Variants in SLC6A5 observed in about 807,000 individuals in gnomAD.
SLC6A5 encodes the protein sodium- and chloride-dependent glycine transporter 2.
Under a neutral mutation model 90.5 loss-of-function variants are expected in SLC6A5, and 58 were observed. The ratio of observed to expected loss-of-function variants is 0.64; its 90% CI spans 0.52 to 0.80. SLC6A5 has a LOEUF of 0.80. Among genes scored for constraint, SLC6A5 ranks in the 30% least tolerant of loss-of-function variants. The probability of loss-of-function intolerance (pLI) is 0.00; values close to 1 mark genes in which losing one functional copy is unlikely to be tolerated. For missense variants in SLC6A5, 1,015 were observed against 1,017.6 expected (o/e 1.00, Z 0.03); for synonymous variants, 427 against 401.4 (o/e 1.06, Z -0.76).
Position 20,654,746 on chromosome 11 carries a change from TG to T in SLC6A5, c.2276del (p.Gly759AlafsTer4), listed in dbSNP as rs1159854354. 2 of 1,614,186 alleles carry T rather than the reference TG, an allele frequency of 1.2e-6. No individual in the cohort carries two copies. Among genetic ancestry groups the T allele is most frequent in the Admixed American group, 3.3e-5 (2 of 60,020 alleles). On this transcript the variant is annotated frameshift_variant, in exon 16 of 16. Transcript: ENST00000525748. LOFTEE classifies it high-confidence loss of function. The part of the protein sequence containing the change: ...LKLVCSPQPD[W>X]GPFLAQHRGE... The stretch of plus-strand genomic sequence containing the variant: ...GTTGGTGTGCTCGCCACAGCCGGAC[TG>T]GGGCCCATTCTTAGCTCAACACCGC...
In SLC6A5 at chr11:20,632,080, T is replaced by C. The variant is rs376802004; in HGVS notation, c.1624+1265T>C. 5.0e-3 allele frequency among the ~76,000 whole-genome samples: 760 copies of C among 152,212 alleles called. 4 individuals carry two copies. The highest frequency in any genetic ancestry group is 0.017 in the African/African-American group (716 of 41,534). ...CCAGGAGATAAGCAATGGCTCTCCC[T>C]GGTTGAGAATTCTCAGATACCCTGG... is the stretch of plus-strand genomic sequence containing the variant. On this transcript the variant is annotated intron_variant, in intron 10 of 15. Coordinates refer to ENST00000525748, the MANE Select transcript of SLC6A5 (RefSeq NM_004211.5).
At chr11:20,643,010 C>G (rs1464174012) in intron 13 of SLC6A5, among the ~76,000 whole-genome samples, 1 of 152,206 alleles carries the variant, frequency 6.6e-6, no homozygotes, top group East Asian at 1.9e-4. Flanking sequence ...GGGTCCAGCT[C>G]TTTATCCCCT....
rs561866100 is a variant in SLC6A5, at chr11:20,601,525, G to C, written c.400G>C (p.Val134Leu). The change falls in exon 2 of 16, where the codon GTG becomes CTG. Residue 134 changes from valine to leucine, a missense_variant. Transcript: ENST00000525748. ...GCGAGGCCCGGAGGGGGATGCGAAC[G>C]TGAGTGTGGGCAAGGGCACCCTGGA... The part of the protein sequence containing the change: ...FLRGPEGDAN[V>L]SVGKGTLERN... The C allele has an allele frequency of 1.9e-6, 3 of 1,614,170 alleles. No individual in the cohort carries two copies. The highest frequency in any genetic ancestry group is 1.3e-5 in the African/African-American group (1 of 75,076).
chr11:20,616,204 C>G (rs1375922881), intron 6 of SLC6A5, among the ~76,000 whole-genome samples: 1 of 152,144 alleles, frequency 6.6e-6, no homozygotes, highest in Non-Finnish European at 1.5e-5. Flanking sequence ...CCCTGCAGAA[C>G]AGAAGGGAGA....
chr11:20,653,390 G>A lies in SLC6A5; in HGVS notation c.2238+934G>A, dbSNP rs149214771. Among the ~76,000 whole-genome samples the A allele has an allele frequency of 5.3e-4, 80 of 152,296 alleles. 3 individuals carry two copies. The highest frequency in any genetic ancestry group is 1.8e-3 in the African/African-American group (73 of 41,576). The stretch of plus-strand genomic sequence containing the variant: ...CAGTTTAACAAGCCCCCTCGTTAGC[G>A]AAGCATTGGACTAGACTCAGGTGAT... On this transcript the variant is annotated intron_variant, in intron 15 of 15. Coordinates refer to ENST00000525748, the MANE Select transcript of SLC6A5 (RefSeq NM_004211.5).
intron 5 of SLC6A5, among the ~76,000 whole-genome samples, chr11:20,614,268 C>T (rs757341916): frequency 5.9e-5 from 9 of 152,162 alleles, no homozygotes; most frequent in Non-Finnish European, 1.3e-4. Flanking sequence ...GAGTTCGAAT[C>T]CTGATTCTCT....
chr11:20,605,334 A>G (rs1303366847), intron 3 of SLC6A5, among the ~76,000 whole-genome samples: 1 of 152,216 alleles, frequency 6.6e-6, no homozygotes, highest in Non-Finnish European at 1.5e-5. Context: ...GGTCCGCTTC[A>G]GGCGGAATTT....
At chr11:20,648,512 G>C (rs563538738) in intron 14 of SLC6A5, among the ~76,000 whole-genome samples, 44 of 152,290 alleles carry the variant, frequency 2.9e-4, no homozygotes, top group African/African-American at 9.6e-4. Flanking sequence ...GGGCATGAGA[G>C]TTGAAAAGGG....
chr11:20,624,083 AAT>A (rs35435495), intron 7 of SLC6A5, among the ~76,000 whole-genome samples: 39,519 of 150,240 alleles, frequency 0.26, 5,381 homozygotes, highest in Middle Eastern at 0.3. Flanking sequence ...AGTTGCTCTA[AAT>A]ATATATATAA....
intron 7 of SLC6A5, among the ~76,000 whole-genome samples, chr11:20,624,471 T>C (rs1852952603): frequency 6.9e-6 from 1 of 145,618 alleles, no homozygotes; most frequent in Non-Finnish European, 1.5e-5. Context: ...TATTTCTTCA[T>C]CTCAGCTCTA....
intron 5 of SLC6A5, among the ~76,000 whole-genome samples, chr11:20,613,054 G>C (rs1852722631): frequency 6.6e-6 from 1 of 152,104 alleles, no homozygotes; most frequent in Non-Finnish European, 1.5e-5. Flanking sequence ...GCTTCTGTAG[G>C]TGTTTGAATT....
intron 10 of SLC6A5, 133 bp downstream of exon 10, chr11:20,630,948 A>G: frequency 4.0e-6 from 4 of 993,058 alleles, no homozygotes; most frequent in Non-Finnish European, 6.2e-6. Flanking sequence ...GTCCTTCTTT[A>G]CAGAGGGACC....
At chr11:20,639,094 C>G (rs1301166810) in intron 13 of SLC6A5, among the ~76,000 whole-genome samples, 1 of 152,090 alleles carries the variant, frequency 6.6e-6, no homozygotes, top group Non-Finnish European at 1.5e-5. Context: ...GTTTATCCTT[C>G]CTACTGTCAC....
chr11:20,612,299 C>T (rs930274496), intron 5 of SLC6A5, among the ~76,000 whole-genome samples: 1 of 152,072 alleles, frequency 6.6e-6, no homozygotes, highest in Non-Finnish European at 1.5e-5. Context: ...CAGCTGTGTG[C>T]CAGGCATTGT....
intron 5 of SLC6A5, among the ~76,000 whole-genome samples, chr11:20,608,946 CTCTCTCTCTCTCTG>C (rs1256964357): frequency 0.035 from 3,929 of 113,860 alleles, 189 homozygotes; most frequent in African/African-American, 0.13. Flanking sequence ...CTCTCTCTCT[CTCTCTCTCTCTCTG>C]TGTGTGTGTG....
intron 6 of SLC6A5, among the ~76,000 whole-genome samples, chr11:20,617,086 G>A (rs917855234): frequency 1.3e-5 from 2 of 152,220 alleles, no homozygotes. Flanking sequence ...GGCCAGGCAG[G>A]CCACGATGTC....
rs1211857567 is a variant in SLC6A5, at chr11:20,656,614, A to G, written c.*1746A>G. ...ATCGCCATTTGCCAACATCAATATG[A>G]ACTTCCAGTTTTTAAGAGTAGCTTG... is the stretch of plus-strand genomic sequence containing the variant. On this transcript the variant is annotated 3_prime_UTR_variant, in exon 16 of 16. Coordinates refer to ENST00000525748, the MANE Select transcript of SLC6A5 (RefSeq NM_004211.5). 5.3e-5 allele frequency: 8 copies of G among 152,194 alleles called. No homozygotes were observed. The highest frequency in any genetic ancestry group is 1.5e-5 in the Non-Finnish European group (1 of 68,030). 9.4% of individuals were successfully genotyped at this position (152,194 alleles called of 1,614,324 possible).
At chr11:20,609,014 A>T (rs1852644806) in intron 5 of SLC6A5, among the ~76,000 whole-genome samples, 1 of 145,480 alleles carries the variant, frequency 6.9e-6, no homozygotes, top group African/African-American at 2.6e-5. Flanking sequence ...GAGCATGTTG[A>T]CTGGATCAGG....
In SLC6A5 at chr11:20,655,201, T is replaced by A. The variant is rs987862171; in HGVS notation, c.*333T>A. 3.8e-5 allele frequency: 14 copies of A among 372,902 alleles called. No homozygotes were observed. The highest frequency in any genetic ancestry group is 6.3e-5 in the African/African-American group (3 of 47,568). The allele number at this position is 372,902 out of a possible 1,614,324, so 23.1% of individuals were successfully genotyped here. A position where few individuals can be genotyped will look rare whatever the true frequency, so the allele number is the denominator to read the frequency against. On this transcript the variant is annotated 3_prime_UTR_variant, in exon 16 of 16. Coordinates refer to ENST00000525748, the MANE Select transcript of SLC6A5 (RefSeq NM_004211.5). ...GTTTTGTCAATAGAGAGGTATCCAC[T>A]GTGTGATGGCATGGGGGGTGCCAGT...
Sources: gnomAD v4.1 joint callset for allele counts (sites outside exome capture counted in the v4.1 genomes callset) on GRCh38, gnomAD v4.1.1 for gene constraint, MANE v1.5 for transcripts, NCBI Gene and HGNC (gene_info 2026-07-23, HGNC 2026-07-21) for gene names.